DAPK2: variants seen among roughly 807,000 people sequenced by gnomAD.
The protein encoded by DAPK2 is death associated protein kinase 2.
In DAPK2, 35 loss-of-function variants were observed where a neutral mutation model predicts 44.1. That is an observed-to-expected ratio of 0.79 (90% CI 0.61 to 1.05). The LOEUF is 1.05. Ranked by LOEUF, DAPK2 falls within the 50% of genes least tolerant of loss-of-function variation. The probability of loss-of-function intolerance (pLI) is 0.00; values close to 1 mark genes in which losing one functional copy is unlikely to be tolerated. For missense variants in DAPK2, 453 were observed against 483.2 expected, an observed-to-expected ratio of 0.94 and a Z score of 0.59; for synonymous variants, 174 against 182.6, an observed-to-expected ratio of 0.95 and a Z score of 0.38.
chr15:63,973,245 C>G (rs2078260632), intron 2 of DAPK2, among the ~76,000 whole-genome samples: 1 of 152,220 alleles, frequency 6.6e-6, no homozygotes, highest in South Asian at 2.1e-4. Context: ...GCTGCTTTCA[C>G]CTGGATTTCA....
At position 64,010,925 on chromosome 15, in the gene DAPK2, G is replaced by A. The variant is rs183909126; in HGVS notation, c.93-27171C>T. On this transcript the variant is annotated intron_variant, in intron 1 of 10. Transcript: ENST00000261891. ...TTCACAGGGAAGCCGTCAGTCTTGG[G>A]GCAGAATCTGCAGGGCACCAGCAAC... Among the ~76,000 whole-genome samples the A allele has an allele frequency of 1.3e-3, 197 of 152,246 alleles. 1 individual carries two copies. Among genetic ancestry groups the A allele is most frequent in the African/African-American group, 4.6e-3 (192 of 41,514 alleles).
At chr15:63,974,734 G>C (rs907829114) in intron 2 of DAPK2, among the ~76,000 whole-genome samples, 1 of 152,182 alleles carries the variant, frequency 6.6e-6, no homozygotes, top group Non-Finnish European at 1.5e-5. Context: ...ATTCTCCACA[G>C]AATATAGATT....
At position 63,923,654 on chromosome 15, in the gene DAPK2, G is replaced by A. The variant is rs909929636; in HGVS notation, c.858+1162C>T. On this transcript the variant is annotated intron_variant, in intron 8 of 10. Transcript: ENST00000261891. The surrounding 1 kb of genome is among the most constrained non-coding windows in gnomAD (Gnocchi z 4.2). ...CAGCCAGGACTCCGCAGGCATCTGC[G>A]CAGGGCTGGAGCACGCAAGGCCAGG... Among the ~76,000 whole-genome samples, 9 of 152,226 alleles carry A rather than the reference G, an allele frequency of 5.9e-5. No individual in the cohort carries two copies. The highest frequency in any genetic ancestry group is 1.3e-4 in the Admixed American group (2 of 15,286).
chr15:64,031,349 C>T (rs1279923216), intron 1 of DAPK2, among the ~76,000 whole-genome samples: 1 of 152,024 alleles, frequency 6.6e-6, no homozygotes. Flanking sequence ...CCTCCCATCT[C>T]ATCCTCCCAA....
At chr15:64,014,046 T>G (rs2079456968) in intron 1 of DAPK2, among the ~76,000 whole-genome samples, 1 of 152,170 alleles carries the variant, frequency 6.6e-6, no homozygotes, top group Non-Finnish European at 1.5e-5. Context: ...ACAGGTCAAG[T>G]GTTTATCTAC....
rs2079146301 is a variant in DAPK2 at position 63,923,464 on chromosome 15, A to G, written c.858+1352T>C. 1.4e-6 allele frequency: 2 copies of G among 1,451,552 alleles called. No individual in the cohort carries two copies. The highest frequency in any genetic ancestry group is 1.4e-5 in the South Asian group (1 of 70,090). 89.9% of individuals were successfully genotyped at this position (1,451,552 alleles called of 1,614,324 possible). On this transcript the variant is annotated intron_variant, in intron 8 of 10. Coordinates refer to ENST00000261891, the Ensembl canonical transcript of DAPK2. The surrounding 1 kb of genome is among the most constrained non-coding windows in gnomAD (Gnocchi z 4.2). ...TGGCATTCACTGCATGCGTCAGGCC[A>G]TGGGGAGAACCAGGGTGGGATGAGC...
intron 1 of DAPK2, among the ~76,000 whole-genome samples, chr15:64,022,705 G>C (rs2079723259): frequency 6.6e-6 from 1 of 152,190 alleles, no homozygotes; most frequent in Non-Finnish European, 1.5e-5. Flanking sequence ...TATAGTTCCA[G>C]CTACTCAGGA....
chr15:64,033,039 T>C (rs2080061542), intron 1 of DAPK2, among the ~76,000 whole-genome samples: 1 of 151,974 alleles, frequency 6.6e-6, no homozygotes, highest in African/African-American at 2.4e-5. Context: ...TGAGCCAAGA[T>C]AGCACCACTG....
intron 3 of DAPK2, among the ~76,000 whole-genome samples, chr15:63,969,727 G>A (rs143264592): frequency 0.028 from 4,089 of 143,962 alleles, 86 homozygotes; most frequent in South Asian, 0.11. Flanking sequence ...GTGACAGAGC[G>A]AGACTATCTC....
At chr15:63,942,245 C>CTGGTCT in intron 3 of DAPK2, 5 of 985,394 alleles carry the variant, frequency 5.1e-6, no homozygotes, top group Non-Finnish European at 6.0e-6. Flanking sequence ...GGTTTCTTCA[C>CTGGTCT]TGGTCTATAA....
intron 1 of DAPK2, among the ~76,000 whole-genome samples, chr15:64,027,748 TAA>T (rs1160678801): frequency 3.3e-5 from 5 of 152,032 alleles, no homozygotes; most frequent in African/African-American, 1.2e-4. Context: ...ACAAAAACAA[TAA>T]AAGAGTATTG....
chr15:63,949,820 G>T (rs778997520), intron 3 of DAPK2, among the ~76,000 whole-genome samples: 5 of 152,170 alleles, frequency 3.3e-5, no homozygotes, highest in Non-Finnish European at 5.9e-5. Flanking sequence ...TTTCAGCCTT[G>T]GGTCCCTCAC....
intron 8 of DAPK2, chr15:63,921,093 G>A (rs1424178954): frequency 1.3e-5 from 2 of 152,180 alleles, no homozygotes; most frequent in Non-Finnish European, 1.5e-5. Flanking sequence ...CAAATCCTTC[G>A]CTGGACTGAG....
rs1428448041 is a variant in DAPK2, at chr15:64,046,109, G to A, written c.-7+189C>T. 6.6e-6 allele frequency among the ~76,000 whole-genome samples: 1 copy of A among 152,162 alleles called. No individual in the cohort carries two copies. The highest frequency in any genetic ancestry group is 1.5e-5 in the Non-Finnish European group (1 of 68,018). On this transcript the variant is annotated intron_variant, in intron 1 of 11. Transcript: ENST00000457488. This position sits in a 1 kb window ranked among gnomAD's most constrained non-coding sequence, Gnocchi z 5.3. ...GGAGGGCGCCCCAGGGCAGCGGCGGGCAGCTCCCGCGCTCGGGTGCCGGCC... is the reference window on the plus strand; with the variant it reads ...GGAGGGCGCCCCAGGGCAGCGGCGGACAGCTCCCGCGCTCGGGTGCCGGCC...
At chr15:64,037,374 C>A (rs1183475602) in intron 1 of DAPK2, among the ~76,000 whole-genome samples, 1 of 152,236 alleles carries the variant, frequency 6.6e-6, no homozygotes, top group Non-Finnish European at 1.5e-5. Flanking sequence ...TTCCTCAGAG[C>A]AATCTTCTCT....
chr15:64,045,965 C>A lies in DAPK2; in HGVS notation c.-7+333G>T, dbSNP rs544395531. Among the ~76,000 whole-genome samples the A allele has an allele frequency of 3.3e-5, 5 of 152,346 alleles. No homozygotes were observed. The South Asian group carries it at 6.2e-4, about 19-fold the overall frequency. On this transcript the variant is annotated intron_variant, in intron 1 of 11. Transcript: ENST00000457488. Reference sequence around the variant, plus strand: ...TGAGAAGACTTGGCCGGGAGCCGGGCGTGCTCTGCCCGTTCCAGGGGGCCT... The same window carrying A: ...TGAGAAGACTTGGCCGGGAGCCGGGAGTGCTCTGCCCGTTCCAGGGGGCCT...
At chr15:63,970,995 G>A (rs2078196468) in intron 3 of DAPK2, among the ~76,000 whole-genome samples, 1 of 152,136 alleles carries the variant, frequency 6.6e-6, no homozygotes, top group Non-Finnish European at 1.5e-5. Flanking sequence ...TCTGGTCAAG[G>A]GATGATGGAG....
At chr15:64,040,897 GAAAAAAAAAAAAA>G (rs3056980), upstream of DAPK2, among the ~76,000 whole-genome samples, 2,749 of 83,522 alleles carry the variant, frequency 0.033, 100 homozygotes, top group African/African-American at 0.11. Flanking sequence ...CTGGGCAACA[GAAAAAAAAAAAAA>G]AAAAAAAAAA....
chr15:63,949,347 C>A (rs1406594471), intron 3 of DAPK2, among the ~76,000 whole-genome samples: 2 of 152,214 alleles, frequency 1.3e-5, no homozygotes, highest in Non-Finnish European at 2.9e-5. Flanking sequence ...TAAAAATTCA[C>A]TTTCAAGGCC....
Sources: gnomAD v4.1 joint callset for allele counts (sites outside exome capture counted in the v4.1 genomes callset) on GRCh38, gnomAD v4.1.1 for gene constraint, Gnocchi (gnomAD v3.1) non-coding constraint, MANE v1.5 for transcripts, NCBI Gene and HGNC (gene_info 2026-07-23, HGNC 2026-07-21) for gene names.